The following CNOT2 variants were observed in gnomAD, a reference collection of about 807,000 sequenced individuals.
CNOT2 encodes the protein CC chemokine receptor 4-negative regulator of transcription 2.
In CNOT2, 7 loss-of-function variants were observed where a neutral mutation model predicts 72.1. The ratio of observed to expected loss-of-function variants is 0.10; its 90% confidence interval spans 0.06 to 0.18. The LOEUF (loss-of-function observed/expected upper bound fraction) is 0.18, where lower values mean the gene tolerates loss of function less well. Among genes scored for constraint, CNOT2 ranks in the 10% least tolerant of loss-of-function variants. The pLI, the probability that CNOT2 is intolerant of heterozygous loss-of-function variation, is 1.00. For missense variants in CNOT2, 345 were observed against 660.3 expected, an observed-to-expected ratio of 0.52 and a Z score of 5.23; for synonymous variants, 196 against 225.6, an observed-to-expected ratio of 0.87 and a Z score of 1.17.
chr12:70,293,800 G>A (rs1390207232), intron 2 of CNOT2, among the ~76,000 whole-genome samples: 1 of 151,892 alleles, frequency 6.6e-6, no homozygotes, highest in Non-Finnish European at 1.5e-5. Context: ...GAGTGTACAA[G>A]GAGTGGATAG....
At chr12:70,353,592 G>A (rs1414355945) in intron 15 of CNOT2, among the ~76,000 whole-genome samples, 3 of 151,900 alleles carry the variant, frequency 2.0e-5, no homozygotes, top group Non-Finnish European at 2.9e-5. Context: ...TCCATTAGTA[G>A]TCTCTTGACT....
At chr12:70,339,037 TG>T (rs1565828388) in intron 11 of CNOT2, among the ~76,000 whole-genome samples, 4 of 149,158 alleles carry the variant, frequency 2.7e-5, no homozygotes, top group Non-Finnish European at 5.9e-5. Flanking sequence ...TGTGTGTGTG[TG>T]TGTGTGTGTG....
At chr12:70,349,248 C>T (rs1223620227) in intron 15 of CNOT2, among the ~76,000 whole-genome samples, 3 of 152,048 alleles carry the variant, frequency 2.0e-5, no homozygotes, top group Non-Finnish European at 4.4e-5. Flanking sequence ...AATCTGGGAC[C>T]TGTTCATAAG....
intron 15 of CNOT2, among the ~76,000 whole-genome samples, chr12:70,350,803 A>C (rs1441796559): frequency 6.6e-6 from 1 of 152,228 alleles, no homozygotes; most frequent in Non-Finnish European, 1.5e-5. Flanking sequence ...CTGTTCCCAG[A>C]ATAAGCAAAA....
chr12:70,346,206 A>G lies in CNOT2; in HGVS notation c.1418A>G (p.Lys473Arg), dbSNP rs1259677687. ...ELFNRDWRYH[K>R]EERVWITRAP... ...TTTAACCGTGATTGGAGATACCACA[A>G]AGAAGAACGAGTATGGATTACCAGG... Residue 473 changes from lysine to arginine, a missense_variant, in exon 15 of 16, where the codon AAA becomes AGA. Transcript: ENST00000229195. 1.9e-6 allele frequency: 3 copies of G among 1,610,316 alleles called. No individual in the cohort carries two copies. Among genetic ancestry groups the G allele is most frequent in the East Asian group, 2.2e-5 (1 of 44,816 alleles).
chr12:70,275,835 A>T (rs1337381966), intron 1 of CNOT2, among the ~76,000 whole-genome samples: 1 of 152,130 alleles, frequency 6.6e-6, no homozygotes, highest in African/African-American at 2.4e-5. Flanking sequence ...TATGAAGGTT[A>T]TCAACAGAAT....
intron 2 of CNOT2, among the ~76,000 whole-genome samples, chr12:70,283,627 A>G (rs1870289167): frequency 6.8e-6 from 1 of 146,822 alleles, no homozygotes; most frequent in Non-Finnish European, 1.5e-5. Context: ...AATAAGAGCG[A>G]CCTAATGAAA....
At chr12:70,280,229 T>G (rs1314492160) in intron 2 of CNOT2, among the ~76,000 whole-genome samples, 3 of 152,100 alleles carry the variant, frequency 2.0e-5, no homozygotes, top group African/African-American at 7.2e-5. Context: ...ATAAAATAAT[T>G]TTACAATCCA....
chr12:70,304,805 G>T (rs1437351068), intron 2 of CNOT2, among the ~76,000 whole-genome samples: 1 of 152,244 alleles, frequency 6.6e-6, no homozygotes, highest in Non-Finnish European at 1.5e-5. Flanking sequence ...GCCTCCTTGA[G>T]CTGTGGTGGG....
chr12:70,332,685 C>A, intron 6 of CNOT2, 82 bp from the exon 7 acceptor site: 10 of 1,440,148 alleles, frequency 6.9e-6, no homozygotes, highest in Non-Finnish European at 9.1e-6. Context: ...TATATGGAGA[C>A]CAAAAATACA....
At chr12:70,297,785 T>C in intron 2 of CNOT2, 4 of 352,816 alleles carry the variant, frequency 1.1e-5, no homozygotes, top group South Asian at 8.1e-5. Context: ...TCACCCAGGC[T>C]GGACTGCAGT....
At chr12:70,257,756 C>G (rs796805237) in intron 1 of CNOT2, among the ~76,000 whole-genome samples, 2 of 152,048 alleles carry the variant, frequency 1.3e-5, no homozygotes, top group Non-Finnish European at 1.5e-5. Flanking sequence ...TTCATTCCAC[C>G]ACTAGATCAT....
intron 1 of CNOT2, among the ~76,000 whole-genome samples, chr12:70,273,012 CAG>C (rs1348559481): frequency 2.6e-5 from 4 of 152,152 alleles, no homozygotes; most frequent in Non-Finnish European, 5.9e-5. Context: ...CACATCTGCT[CAG>C]AGTCATTACT....
chr12:70,256,568 A>G (rs529728655), intron 1 of CNOT2, among the ~76,000 whole-genome samples: 2 of 145,108 alleles, frequency 1.4e-5, no homozygotes, highest in Non-Finnish European at 3.0e-5. Context: ...GTTCTGCTGA[A>G]GGAGACCTGT....
At chr12:70,335,867 G>A (rs1880612116) in intron 8 of CNOT2, 1 of 196,672 alleles carries the variant, frequency 5.1e-6, no homozygotes. Flanking sequence ...GTTTTATTTT[G>A]TGGTCTGCCT....
chr12:70,281,233 C>T (rs1004325245), intron 2 of CNOT2, among the ~76,000 whole-genome samples: 23 of 151,906 alleles, frequency 1.5e-4, no homozygotes, highest in East Asian at 1.9e-4. Context: ...TACAGGCGTG[C>T]GCCACCACAC....
chr12:70,316,809 A>G (rs1334014284), intron 3 of CNOT2, among the ~76,000 whole-genome samples: 2 of 151,154 alleles, frequency 1.3e-5, no homozygotes, highest in East Asian at 3.9e-4. Flanking sequence ...CTCCCTACTT[A>G]CTCCCTCCTC....
At chr12:70,291,088 A>G (rs1002971825) in intron 2 of CNOT2, among the ~76,000 whole-genome samples, 1 of 152,180 alleles carries the variant, frequency 6.6e-6, no homozygotes, top group Non-Finnish European at 1.5e-5. Context: ...ATTTAACTTA[A>G]AAATTGGACT....
At chr12:70,289,747 A>G (rs1871548382) in intron 2 of CNOT2, among the ~76,000 whole-genome samples, 1 of 152,090 alleles carries the variant, frequency 6.6e-6, no homozygotes, top group Admixed American at 6.5e-5. Flanking sequence ...AAATGTAATT[A>G]TAACTCCTTG....
Sources: allele counts gnomAD v4.1 joint callset (sites outside exome capture counted in the v4.1 genomes callset), GRCh38; gene constraint gnomAD v4.1.1; transcripts MANE v1.5; gene names NCBI Gene and HGNC (gene_info 2026-07-23, HGNC 2026-07-21).